SYNPO2: variants seen among roughly 807,000 people sequenced by gnomAD.
SYNPO2 encodes the protein synaptopodin-2.
SYNPO2 carries 56 observed loss-of-function variants against 85.0 expected under a neutral mutation model. The ratio of observed to expected loss-of-function variants is 0.66; its 90% CI spans 0.53 to 0.82. SYNPO2 has a LOEUF of 0.82. SYNPO2 is among the 40% of genes least tolerant of loss of function. The probability of loss-of-function intolerance (pLI) is 0.00; values close to 1 mark genes in which losing one functional copy is unlikely to be tolerated. For missense variants in SYNPO2, 1,575 were observed against 1,534.2 expected (o/e 1.03, Z -0.44); for synonymous variants, 602 against 591.1 (o/e 1.02, Z -0.27).
Position 119,052,797 on chromosome 4 carries a change from T to A in SYNPO2, c.3253-4604T>A, listed in dbSNP as rs564306954. Among the ~76,000 whole-genome samples the A allele has an allele frequency of 5.9e-5, 9 of 152,338 alleles. No homozygotes were observed. In the South Asian group the frequency reaches 1.9e-3, roughly 32 times the overall value. On this transcript the variant is annotated intron_variant, in intron 4 of 4. Transcript: ENST00000307142. ...GGTTTGAGTAACTTAAGGTAACCAT[T>A]GAACTCTTCCTAAAAGTAAGCAAAA...
intron 4 of SYNPO2, among the ~76,000 whole-genome samples, chr4:119,040,656 G>A (rs1244062154): frequency 6.6e-6 from 1 of 152,176 alleles, no homozygotes; most frequent in Non-Finnish European, 1.5e-5. Flanking sequence ...GCTCTTCTGG[G>A]GAAATGTTTG....
chr4:118,865,724 A>G (rs1731688974), intron 1 of SYNPO2, among the ~76,000 whole-genome samples: 2 of 152,230 alleles, frequency 1.3e-5, no homozygotes, highest in African/African-American at 4.8e-5. Flanking sequence ...ATGAAAGAAT[A>G]ACCTGAAAAA....
intron 1 of SYNPO2, among the ~76,000 whole-genome samples, chr4:118,930,043 A>G (rs1401400183): frequency 6.6e-6 from 1 of 152,166 alleles, no homozygotes; most frequent in Non-Finnish European, 1.5e-5. Flanking sequence ...AAGAATTTGC[A>G]GATAATCTGC....
At position 118,893,892 on chromosome 4, in the gene SYNPO2, G is replaced by C. The variant is rs921991996; in HGVS notation, c.105+4751G>C. Among the ~76,000 whole-genome samples the C allele has an allele frequency of 2.6e-5, 4 of 151,962 alleles. No individual in the cohort carries two copies. The South Asian group carries it at 8.3e-4, about 32-fold the overall frequency. ...CGTCACAAAGAAATGATAAATATTT[G>C]AGGTGATGGATATGCTAATTAGCCT... is the stretch of plus-strand genomic sequence containing the variant. On this transcript the variant is annotated intron_variant, in intron 1 of 4. Coordinates refer to ENST00000307142, the MANE Select transcript of SYNPO2 (RefSeq NM_133477.3).
chr4:118,879,162 A>G (rs965376534), intron 1 of SYNPO2, among the ~76,000 whole-genome samples: 1 of 152,204 alleles, frequency 6.6e-6, no homozygotes, highest in African/African-American at 2.4e-5. Flanking sequence ...GAACATCTGA[A>G]GGAACAAACT....
chr4:118,968,902 G>A (rs142523998), intron 1 of SYNPO2, among the ~76,000 whole-genome samples: 46 of 152,240 alleles, frequency 3.0e-4, no homozygotes, highest in East Asian at 1.7e-3. Context: ...TGACTAAAAC[G>A]TCAGAGATTA....
At chr4:118,898,884 C>T (rs1051616903) in intron 1 of SYNPO2, among the ~76,000 whole-genome samples, 7 of 152,212 alleles carry the variant, frequency 4.6e-5, no homozygotes, top group African/African-American at 1.7e-4. Flanking sequence ...TTGCTTCATC[C>T]CTGCTGTGTC....
At chr4:118,964,007 T>C (rs902187239) in intron 1 of SYNPO2, among the ~76,000 whole-genome samples, 1 of 152,262 alleles carries the variant, frequency 6.6e-6, no homozygotes, top group Non-Finnish European at 1.5e-5. Context: ...TGGGATTGCA[T>C]CCTATTAGGA....
intron 2 of SYNPO2, among the ~76,000 whole-genome samples, chr4:119,025,508 C>A (rs918161306): frequency 6.6e-6 from 1 of 152,022 alleles, no homozygotes; most frequent in Non-Finnish European, 1.5e-5. Context: ...TTGCCAAATG[C>A]AGTTGAAAGC....
At chr4:118,869,510 T>C (rs1401558939) in intron 1 of SYNPO2, among the ~76,000 whole-genome samples, 3 of 152,246 alleles carry the variant, frequency 2.0e-5, no homozygotes, top group Non-Finnish European at 4.4e-5. Flanking sequence ...TTTGATTCTA[T>C]GCAATTTCAT....
chr4:119,037,203 CAAAAT>C (rs1738551588), intron 4 of SYNPO2: 15 of 1,529,732 alleles, frequency 9.8e-6, no homozygotes, highest in Non-Finnish European at 1.3e-5. Context: ...TGATAATACT[CAAAAT>C]AACAACATTC....
At chr4:118,900,703 C>CTCTATATATATA (rs1277981772) in intron 1 of SYNPO2, among the ~76,000 whole-genome samples, 53 of 43,866 alleles carry the variant, frequency 1.2e-3, no homozygotes, top group Non-Finnish European at 1.6e-3. Flanking sequence ...CTCTCTCTCT[C>CTCTATATATATA]TATATATATA....
intron 1 of SYNPO2, among the ~76,000 whole-genome samples, chr4:118,914,778 G>A (rs192194256): frequency 6.6e-6 from 1 of 152,120 alleles, no homozygotes; most frequent in African/African-American, 2.4e-5. Context: ...AGTGAAGATG[G>A]CACCTACTTG....
At chr4:118,976,733 A>G (rs1453047401) in intron 1 of SYNPO2, among the ~76,000 whole-genome samples, 1 of 152,138 alleles carries the variant, frequency 6.6e-6, no homozygotes, top group Non-Finnish European at 1.5e-5. Context: ...CCTTGAGCTA[A>G]ACACAGGGTG....
At chr4:119,037,435 G>A in intron 4 of SYNPO2, 1 of 1,129,438 alleles carries the variant, frequency 8.9e-7, no homozygotes, top group Non-Finnish European at 1.1e-6. Flanking sequence ...CTTCTTGGAA[G>A]TAAATAACAA....
intron 1 of SYNPO2, among the ~76,000 whole-genome samples, chr4:118,859,251 A>C (rs1013075222): frequency 3.3e-5 from 5 of 152,138 alleles, no homozygotes; most frequent in South Asian, 2.1e-4. Flanking sequence ...TTATTTTTAA[A>C]TTTTTTTAAA....
In SYNPO2 at chr4:119,000,676, A is replaced by T. The variant is rs1313254076; in HGVS notation, c.106-22754A>T. Among the ~76,000 whole-genome samples the T allele has an allele frequency of 8.5e-5, 13 of 152,232 alleles. 1 individual carries two copies. The highest frequency in any genetic ancestry group is 8.5e-4 in the Admixed American group (13 of 15,286). ...GCCATATTTTGAAGCCCATGACCTC[A>T]TCGCTATCTGAGTTGCCAGGGCTGG... is the stretch of plus-strand genomic sequence containing the variant. On this transcript the variant is annotated intron_variant, in intron 1 of 4. Transcript: ENST00000307142.
intron 1 of SYNPO2, among the ~76,000 whole-genome samples, chr4:118,976,882 A>T (rs1264821963): frequency 6.6e-6 from 1 of 152,166 alleles, no homozygotes; most frequent in East Asian, 1.9e-4. Context: ...GCACTCACAA[A>T]CCTTGAGCTA....
intron 1 of SYNPO2, among the ~76,000 whole-genome samples, chr4:118,950,249 T>C (rs1171435803): frequency 1.3e-5 from 2 of 152,218 alleles, no homozygotes; most frequent in Non-Finnish European, 2.9e-5. Context: ...TGCAAGGATA[T>C]AGGTTTGTTT....
Sources: allele counts gnomAD v4.1 joint callset (sites outside exome capture counted in the v4.1 genomes callset), GRCh38; gene constraint gnomAD v4.1.1; transcripts MANE v1.5; gene names NCBI Gene and HGNC (gene_info 2026-07-23, HGNC 2026-07-21).